The following WDR41 variants were observed in gnomAD, a reference collection of about 807,000 sequenced individuals.
WDR41 encodes WD repeat domain 41.
Under a neutral mutation model 69.3 loss-of-function variants are expected in WDR41, and 63 were observed. The ratio of observed to expected loss-of-function variants is 0.91; its 90% CI spans 0.74 to 1.12. WDR41 has a LOEUF of 1.12. Ranked by LOEUF, WDR41 falls within the 50% of genes most tolerant of loss-of-function variation. The probability of loss-of-function intolerance (pLI) is 0.00; values close to 1 mark genes in which losing one functional copy is unlikely to be tolerated. For missense variants in WDR41, 543 were observed against 534.5 expected (o/e 1.02, Z -0.16); for synonymous variants, 185 against 192.1 (o/e 0.96, Z 0.31).
rs1799028319 is a variant in WDR41 at position 77,438,345 on chromosome 5, A to G, written c.899T>C (p.Val300Ala). The G allele has an allele frequency of 6.2e-7, 1 of 1,613,994 alleles. No homozygotes were observed. ...TCDEENVFAAVGRGLYVYSLQ... is the reference protein window; with the variant it reads ...TCDEENVFAAAGRGLYVYSLQ... ...GCTATACACGTATAAACCCCTTCCA[A>G]CTGCAGCAAATACATTCTAGGGGAA... Residue 300 changes from valine (V) to alanine (A), a missense_variant, in exon 10 of 13, where the codon GTT becomes GCT. By Grantham distance (64) the Val-to-Ala change is moderately conservative (BLOSUM62 0). Transcript: ENST00000296679.
intron 1 of WDR41, among the ~76,000 whole-genome samples, chr5:77,613,312 A>T (rs1438454404): frequency 6.6e-6 from 1 of 152,148 alleles, no homozygotes; most frequent in Non-Finnish European, 1.5e-5. Context: ...TTCATATGGA[A>T]CCAAAAAAGA....
At chr5:77,530,000 G>A (rs1802503719) in intron 1 of WDR41, among the ~76,000 whole-genome samples, 1 of 148,762 alleles carries the variant, frequency 6.7e-6, no homozygotes, top group South Asian at 2.2e-4. Context: ...GTGTCATAAA[G>A]GCTTCTCTCA....
At chr5:77,568,782 C>G (rs1397287942) in intron 1 of WDR41, among the ~76,000 whole-genome samples, 1 of 152,158 alleles carries the variant, frequency 6.6e-6, no homozygotes, top group East Asian at 1.9e-4. Context: ...AGGAGTGAAT[C>G]AACAGACTAT....
chr5:77,608,475 C>G (rs528434537), intron 1 of WDR41, among the ~76,000 whole-genome samples: 33 of 152,268 alleles, frequency 2.2e-4, no homozygotes, highest in African/African-American at 6.3e-4. Flanking sequence ...TACTATGTCC[C>G]ATGTAGATAT....
At chr5:77,466,196 T>C (rs189517831) in intron 2 of WDR41, among the ~76,000 whole-genome samples, 190 of 152,148 alleles carry the variant, frequency 1.2e-3, no homozygotes, top group African/African-American at 4.4e-3. Flanking sequence ...CTATCATTTA[T>C]TCTTATTTTA....
chr5:77,475,676 A>T (rs28871284), intron 2 of WDR41, among the ~76,000 whole-genome samples: 9,899 of 152,220 alleles, frequency 0.065, 590 homozygotes, highest in African/African-American at 0.15. Context: ...TCTGTACATC[A>T]CCATCATCAA....
chr5:77,550,630 G>T (rs945308493), intron 1 of WDR41, among the ~76,000 whole-genome samples: 1 of 152,206 alleles, frequency 6.6e-6, no homozygotes, highest in African/African-American at 2.4e-5. Context: ...ATACACTGTT[G>T]GTGGGAATGT....
intron 8 of WDR41, among the ~76,000 whole-genome samples, chr5:77,447,893 A>T (rs1043274587): frequency 6.6e-6 from 1 of 152,218 alleles, no homozygotes; most frequent in Non-Finnish European, 1.5e-5. Context: ...GAAATTTTTT[A>T]AAAAGATAGT....
At chr5:77,599,604 T>C (rs919867397) in intron 1 of WDR41, among the ~76,000 whole-genome samples, 2 of 152,200 alleles carry the variant, frequency 1.3e-5, no homozygotes, top group Non-Finnish European at 2.9e-5. Context: ...ATAAATGCTA[T>C]ATGATAGGTA....
At chr5:77,512,480 G>A (rs1415227794) in intron 1 of WDR41, among the ~76,000 whole-genome samples, 2 of 150,326 alleles carry the variant, frequency 1.3e-5, no homozygotes, top group Non-Finnish European at 3.0e-5. Flanking sequence ...GGCCGAGTAA[G>A]GTAGCTCATG....
At chr5:77,463,845 C>T (rs1800173944) in intron 3 of WDR41, among the ~76,000 whole-genome samples, 1 of 151,922 alleles carries the variant, frequency 6.6e-6, no homozygotes. Flanking sequence ...TGCAGGACTT[C>T]GTGAATGTGG....
chr5:77,620,242 C>T (rs144838440), intron 1 of WDR41, among the ~76,000 whole-genome samples: 1 of 152,220 alleles, frequency 6.6e-6, no homozygotes, highest in East Asian at 1.9e-4. Context: ...TTACTTGCCT[C>T]CTACTGCTTA....
chr5:77,468,422 TTC>T lies in WDR41; in HGVS notation c.168-3615_168-3614del, dbSNP rs57497782. Among the ~76,000 whole-genome samples, 1,210 of 152,288 alleles carry T rather than the reference TTC, an allele frequency of 7.9e-3. 20 individuals are homozygous for T. Among genetic ancestry groups the T allele is most frequent in the African/African-American group, 0.028 (1,153 of 41,564 alleles). On this transcript the variant is annotated intron_variant, in intron 2 of 12. Transcript: ENST00000296679. ...ATAAAAATAATTCCCTCTAAACATC[TTC>T]TCTTTGAACATCTCTGAGAAAGTAT...
chr5:77,469,709 A>G (rs1185483250), intron 2 of WDR41, among the ~76,000 whole-genome samples: 2 of 149,982 alleles, frequency 1.3e-5, no homozygotes, highest in Non-Finnish European at 2.9e-5. Flanking sequence ...AATGAAATGA[A>G]GTGAGAAGAG....
At chr5:77,593,176 G>A (rs1051035063) in intron 1 of WDR41, among the ~76,000 whole-genome samples, 1 of 152,120 alleles carries the variant, frequency 6.6e-6, no homozygotes, top group Non-Finnish European at 1.5e-5. Context: ...GGTTCCAGAG[G>A]TAGGCAGGTG....
intron 4 of WDR41, among the ~76,000 whole-genome samples, chr5:77,462,111 A>G (rs1800094673): frequency 6.6e-6 from 1 of 152,012 alleles, no homozygotes; most frequent in South Asian, 2.1e-4. Context: ...TCTGTAAATA[A>G]GAATAATTAA....
intron 1 of WDR41, among the ~76,000 whole-genome samples, chr5:77,555,014 T>A (rs1245920722): frequency 6.6e-6 from 1 of 151,252 alleles, no homozygotes; most frequent in Non-Finnish European, 1.5e-5. Context: ...GATTCATTGA[T>A]CCCAGAAGGT....
At chr5:77,529,790 A>T (rs535446507) in intron 1 of WDR41, among the ~76,000 whole-genome samples, 6 of 151,732 alleles carry the variant, frequency 4.0e-5, no homozygotes, top group African/African-American at 1.4e-4. Context: ...TTAAAAGATA[A>T]ATGGTTCTGG....
chr5:77,530,418 T>C (rs1416645297), intron 1 of WDR41, among the ~76,000 whole-genome samples: 1 of 151,696 alleles, frequency 6.6e-6, no homozygotes, highest in African/African-American at 2.4e-5. Context: ...TAAAATGAAT[T>C]ACCACTTATC....
Sources: allele counts gnomAD v4.1 joint callset (sites outside exome capture counted in the v4.1 genomes callset), GRCh38; gene constraint gnomAD v4.1.1; transcripts MANE v1.5; gene names NCBI Gene and HGNC (gene_info 2026-07-23, HGNC 2026-07-21).